EDIL3: variants seen among roughly 807,000 people sequenced by gnomAD.
EDIL3 encodes EGF-like repeat and discoidin I-like domain-containing protein 3.
In EDIL3, 37 loss-of-function variants were observed where a neutral mutation model predicts 67.4. The ratio of observed to expected loss-of-function variants is 0.55; its 90% CI spans 0.42 to 0.72. The LOEUF is 0.72. Ranked by LOEUF, EDIL3 falls within the 30% of genes least tolerant of loss-of-function variation. EDIL3 has a pLI of 0.00. For synonymous variants in EDIL3, 195 were observed against 196.3 expected (o/e 0.99, Z 0.05); for missense variants, 527 against 586.3 (o/e 0.90, Z 1.04).
chr5:83,960,179 T>A (rs1360392527), intron 10 of EDIL3, among the ~76,000 whole-genome samples: 1 of 151,088 alleles, frequency 6.6e-6, no homozygotes, highest in East Asian at 1.9e-4. Flanking sequence ...TTAGATTTCT[T>A]CTTAAAACTA....
chr5:84,062,412 TG>T (rs1746561711), intron 8 of EDIL3, among the ~76,000 whole-genome samples: 1 of 152,122 alleles, frequency 6.6e-6, no homozygotes, highest in African/African-American at 2.4e-5. Context: ...TCCCTCCTTT[TG>T]TGATATAACA....
intron 1 of EDIL3, among the ~76,000 whole-genome samples, chr5:84,374,596 T>C (rs1481535544): frequency 6.6e-6 from 1 of 152,220 alleles, no homozygotes; most frequent in Non-Finnish European, 1.5e-5. Context: ...TGAGCTCATG[T>C]TAGATGGCAT....
At chr5:84,184,156 A>G (rs1464026757) in intron 3 of EDIL3, among the ~76,000 whole-genome samples, 3 of 152,128 alleles carry the variant, frequency 2.0e-5, no homozygotes, top group African/African-American at 7.2e-5. Context: ...AAGTGATTCC[A>G]AGGAAGGAGG....
chr5:84,180,210 AAC>A (rs1677858123), intron 4 of EDIL3, among the ~76,000 whole-genome samples, 181 bp downstream of exon 4: 1 of 152,154 alleles, frequency 6.6e-6, no homozygotes, highest in Non-Finnish European at 1.5e-5. Context: ...GGAGGATTGA[AAC>A]ACAGTCTAGG....
At chr5:84,322,065 A>C (rs1746659634) in intron 1 of EDIL3, among the ~76,000 whole-genome samples, 1 of 149,718 alleles carries the variant, frequency 6.7e-6, no homozygotes, top group African/African-American at 2.4e-5. Flanking sequence ...TAATAATGAT[A>C]TAATAATAAT....
intron 9 of EDIL3, among the ~76,000 whole-genome samples, chr5:84,007,339 C>G (rs1050551958): frequency 6.6e-6 from 1 of 151,986 alleles, no homozygotes; most frequent in African/African-American, 2.4e-5. Context: ...AAGAGACAAC[C>G]CACAGAATGG....
intron 4 of EDIL3, among the ~76,000 whole-genome samples, chr5:84,152,154 G>A (rs890905147): frequency 1.3e-5 from 2 of 151,868 alleles, no homozygotes; most frequent in Non-Finnish European, 2.9e-5. Flanking sequence ...TCTTGACCTC[G>A]TGATCCACCC....
At chr5:84,030,051 A>C (rs976052462) in intron 9 of EDIL3, among the ~76,000 whole-genome samples, 1 of 150,772 alleles carries the variant, frequency 6.6e-6, no homozygotes. Context: ...TATATCTCTA[A>C]AGGTCATGCT....
chr5:84,240,744 T>C (rs1744779255), intron 2 of EDIL3, among the ~76,000 whole-genome samples: 1 of 152,158 alleles, frequency 6.6e-6, no homozygotes, highest in Non-Finnish European at 1.5e-5. Context: ...GGACCGCAGC[T>C]CTATGGAATA....
intron 2 of EDIL3, among the ~76,000 whole-genome samples, chr5:84,251,347 G>A (rs571298956): frequency 1.3e-5 from 2 of 151,448 alleles, no homozygotes; most frequent in African/African-American, 2.4e-5. Flanking sequence ...TCCTGACTTC[G>A]TGATCCGCCC....
chr5:84,212,601 C>T (rs1465171886), intron 3 of EDIL3, among the ~76,000 whole-genome samples: 2 of 152,012 alleles, frequency 1.3e-5, no homozygotes, highest in Non-Finnish European at 2.9e-5. Context: ...GAAATCAATA[C>T]GGGTTACAGG....
At chr5:84,288,020 A>T (rs1018875424) in intron 1 of EDIL3, among the ~76,000 whole-genome samples, 2 of 152,150 alleles carry the variant, frequency 1.3e-5, no homozygotes, top group African/African-American at 4.8e-5. Flanking sequence ...AAAACCCCAG[A>T]TTTATACTCA....
intron 5 of EDIL3, among the ~76,000 whole-genome samples, chr5:84,118,755 G>C (rs2112296447): frequency 6.6e-6 from 1 of 152,246 alleles, no homozygotes; most frequent in East Asian, 1.9e-4. Context: ...AGCAGCTCCA[G>C]ATTAATCCAG....
chr5:84,321,171 T>C (rs1406298896), intron 1 of EDIL3, among the ~76,000 whole-genome samples: 3 of 152,236 alleles, frequency 2.0e-5, no homozygotes, highest in Non-Finnish European at 4.4e-5. Flanking sequence ...CATTATTTTT[T>C]TTCTTCTGGA....
chr5:83,967,770 C>A (rs542839308), intron 9 of EDIL3, among the ~76,000 whole-genome samples: 1 of 152,166 alleles, frequency 6.6e-6, no homozygotes, highest in South Asian at 2.1e-4. Flanking sequence ...AGTTGATTTT[C>A]GTGAAGACAT....
chr5:83,970,738 T>A (rs1179669304), intron 9 of EDIL3, among the ~76,000 whole-genome samples: 1 of 148,918 alleles, frequency 6.7e-6, no homozygotes, highest in Non-Finnish European at 1.5e-5. Flanking sequence ...TTCTTCTTTG[T>A]TCTATCCCCC....
rs1746045312 is a variant in EDIL3 at position 84,037,670 on chromosome 5, A to T, written c.1137+22630T>A. Among the ~76,000 whole-genome samples the T allele has an allele frequency of 2.0e-5, 3 of 152,208 alleles. No individual in the cohort carries two copies. In the South Asian group the frequency reaches 6.2e-4, roughly 31 times the overall value. On this transcript the variant is annotated intron_variant, in intron 9 of 10. Transcript: ENST00000296591. ...CATTTTAATTAATGACGTTATTTAT[A>T]AGCAAACACTGTTAAATGCTGTATT...
intron 1 of EDIL3, among the ~76,000 whole-genome samples, chr5:84,287,522 A>C (rs1442080051): frequency 6.6e-6 from 1 of 152,144 alleles, no homozygotes; most frequent in Non-Finnish European, 1.5e-5. Context: ...TTTGGAATTC[A>C]GGTTGAATTT....
chr5:84,187,759 A>G (rs1743495932), intron 3 of EDIL3, among the ~76,000 whole-genome samples: 2 of 151,936 alleles, frequency 1.3e-5, no homozygotes, highest in Admixed American at 1.3e-4. Context: ...GTTGTAAAGA[A>G]AGAAATTATT....
Sources: allele counts gnomAD v4.1 joint callset (sites outside exome capture counted in the v4.1 genomes callset), GRCh38; gene constraint gnomAD v4.1.1; transcripts MANE v1.5; gene names NCBI Gene and HGNC (gene_info 2026-07-23, HGNC 2026-07-21).